The following SPMIP4 variants were observed in gnomAD, a reference collection of about 807,000 sequenced individuals.
SPMIP4 encodes sperm microtubule inner protein 4.
the SPMIP4 span, among the ~76,000 whole-genome samples, chr7:25,165,639 C>T: frequency 2.0e-5 from 3 of 152,274 alleles, no homozygotes; most frequent in Admixed American, 6.5e-5. Flanking sequence ...TGAGCCGCCG[C>T]GCCTGGCCGC....
the SPMIP4 span, among the ~76,000 whole-genome samples, chr7:25,148,662 T>A: frequency 6.6e-6 from 1 of 151,884 alleles, no homozygotes; most frequent in Non-Finnish European, 1.5e-5. Flanking sequence ...TTTAGTAGAG[T>A]CAGTGTTCCG....
chr7:25,169,207 T>G, the SPMIP4 span, among the ~76,000 whole-genome samples: 2 of 151,992 alleles, frequency 1.3e-5, no homozygotes, highest in Non-Finnish European at 2.9e-5. Context: ...CTGGGCAACA[T>G]AGCAAGACCC....
chr7:25,158,436 T>G, the SPMIP4 span: 1 of 1,153,972 alleles, frequency 8.7e-7, no homozygotes, highest in Non-Finnish European at 1.3e-6. Context: ...TTCTAAGACA[T>G]AGGAAATGTC....
At chr7:25,155,246 T>C in the SPMIP4 span, 1 of 1,448,194 alleles carries the variant, frequency 6.9e-7, no homozygotes, top group Non-Finnish European at 9.2e-7. Context: ...AGAAGTATGG[T>C]TGAAAAAATT....
chr7:25,157,385 T>C, the SPMIP4 span, among the ~76,000 whole-genome samples: 1 of 152,164 alleles, frequency 6.6e-6, no homozygotes, highest in Non-Finnish European at 1.5e-5. Context: ...GAGAACTTCT[T>C]CTAGAGTGCA....
At chr7:25,145,767 A>C in the SPMIP4 span, among the ~76,000 whole-genome samples, 1 of 152,216 alleles carries the variant, frequency 6.6e-6, no homozygotes, top group Non-Finnish European at 1.5e-5. Context: ...AATATATGTA[A>C]CTCATAACCT....
the SPMIP4 span, chr7:25,125,841 G>T: frequency 1.2e-6 from 1 of 855,850 alleles, no homozygotes; most frequent in Non-Finnish European, 1.4e-6. Flanking sequence ...CACGAGTTGG[G>T]CACCAGCTCG....
the SPMIP4 span, chr7:25,168,605 T>C: frequency 0.016 from 10,453 of 671,876 alleles, 196 homozygotes; most frequent in Non-Finnish European, 0.014. Flanking sequence ...CAGTGTCAGG[T>C]AGATTATGAT....
chr7:25,133,200 A>C, the SPMIP4 span, among the ~76,000 whole-genome samples: 1 of 152,200 alleles, frequency 6.6e-6, no homozygotes, highest in Non-Finnish European at 1.5e-5. Context: ...GGACATTTTC[A>C]GGAACTTTTT....
the SPMIP4 span, among the ~76,000 whole-genome samples, chr7:25,133,855 TTTTGA>T: frequency 6.6e-6 from 1 of 152,218 alleles, no homozygotes; most frequent in Non-Finnish European, 1.5e-5. Context: ...TATTATGTTC[TTTTGA>T]TTTAACTTTT....
chr7:25,175,056 G>C, the SPMIP4 span, among the ~76,000 whole-genome samples: 1 of 152,130 alleles, frequency 6.6e-6, no homozygotes, highest in Non-Finnish European at 1.5e-5. Flanking sequence ...TAGCCCAGTA[G>C]TTCTCAATGT....
chr7:25,159,721 T>C, the SPMIP4 span, among the ~76,000 whole-genome samples: 1 of 152,224 alleles, frequency 6.6e-6, no homozygotes, highest in South Asian at 2.1e-4. Flanking sequence ...TCTTTTTAAA[T>C]TTCAACTCTA....
chr7:25,151,503 A>T, the SPMIP4 span: 2 of 757,458 alleles, frequency 2.6e-6, no homozygotes, highest in Non-Finnish European at 4.3e-6. Flanking sequence ...GATTATGGGC[A>T]TGTGCCACCA....
At chr7:25,168,622 T>G in the SPMIP4 span, among the ~76,000 whole-genome samples, 1 of 152,204 alleles carries the variant, frequency 6.6e-6, no homozygotes, top group South Asian at 2.1e-4. Flanking sequence ...TGATACTGGT[T>G]ATTTAGGCAT....
the SPMIP4 span, among the ~76,000 whole-genome samples, chr7:25,170,456 A>G: frequency 6.6e-6 from 1 of 152,226 alleles, no homozygotes; most frequent in African/African-American, 2.4e-5. Context: ...TAATAGGCAG[A>G]TATTTTCTCC....
the SPMIP4 span, chr7:25,136,592 G>A: frequency 1.3e-5 from 21 of 1,614,166 alleles, no homozygotes; most frequent in Non-Finnish European, 1.8e-5. The surrounding 1 kb of genome is among the most constrained non-coding windows in gnomAD (Gnocchi z 5.7). Flanking sequence ...ACACCGGCTG[G>A]TATGTTATCA....
the SPMIP4 span, among the ~76,000 whole-genome samples, chr7:25,164,248 G>C: frequency 1.3e-5 from 2 of 152,116 alleles, no homozygotes; most frequent in Non-Finnish European, 2.9e-5. Context: ...TGGTTTAGAG[G>C]TCAAGGGAGA....
At chr7:25,170,885 AC>A in the SPMIP4 span, among the ~76,000 whole-genome samples, 1 of 152,232 alleles carries the variant, frequency 6.6e-6, no homozygotes, top group African/African-American at 2.4e-5. Flanking sequence ...TAAAGGAGCT[AC>A]TTACCCATAA....
At chr7:25,163,052 C>A in the SPMIP4 span, among the ~76,000 whole-genome samples, 1 of 152,184 alleles carries the variant, frequency 6.6e-6, no homozygotes, top group Non-Finnish European at 1.5e-5. This position sits in a 1 kb window ranked among gnomAD's most constrained non-coding sequence, Gnocchi z 4.4. Context: ...TGAGCCACTG[C>A]GCCCAGCTGG....
Sources: allele counts gnomAD v4.1 joint callset (sites outside exome capture counted in the v4.1 genomes callset), GRCh38; gene constraint gnomAD v4.1.1; non-coding constraint Gnocchi (gnomAD v3.1); transcripts MANE v1.5; gene names NCBI Gene and HGNC (gene_info 2026-07-23, HGNC 2026-07-21).